Variants in RALGAPB observed in about 807,000 individuals in gnomAD.
RALGAPB encodes Ral GTPase activating protein non-catalytic subunit beta.
A neutral mutation model predicts 161.1 loss-of-function variants in RALGAPB; 25 were observed. The observed-to-expected ratio is 0.16, with a 90% CI of 0.11 to 0.22. The LOEUF (loss-of-function observed/expected upper bound fraction) is 0.22. Ranked by LOEUF, RALGAPB falls within the 10% of genes least tolerant of loss-of-function variation. The pLI is 1.00. For synonymous variants in RALGAPB, 629 were observed against 626.1 expected (o/e 1.00, Z -0.07); for missense variants, 1,391 against 1,815.2 (o/e 0.77, Z 4.25).
chr20:38,530,666 G>T, intron 13 of RALGAPB, among the ~76,000 whole-genome samples: 1 of 149,044 alleles, frequency 6.7e-6, no homozygotes, highest in African/African-American at 2.5e-5. Context: ...GTGCAATTTC[G>T]GCTCACTGCA....
chr20:38,528,871 A>C (rs1296963363), intron 13 of RALGAPB, among the ~76,000 whole-genome samples: 2 of 152,070 alleles, frequency 1.3e-5, no homozygotes, highest in East Asian at 3.9e-4. Context: ...TAGTAGACAC[A>C]GGATTTTACC....
At chr20:38,509,409 G>A (rs1158008485) in intron 6 of RALGAPB, among the ~76,000 whole-genome samples, 1 of 152,150 alleles carries the variant, frequency 6.6e-6, no homozygotes, top group East Asian at 1.9e-4. Flanking sequence ...GTCCTCAGCC[G>A]CTCTTGGTTT....
At chr20:38,569,693 C>T (rs762343818) in intron 26 of RALGAPB, 195 bp from the exon 27 acceptor site, 20 of 499,624 alleles carry the variant, frequency 4.0e-5, no homozygotes, top group African/African-American at 9.6e-5. Context: ...AAGCCTTGTC[C>T]TAGGTTAAGA....
intron 28 of RALGAPB, among the ~76,000 whole-genome samples, chr20:38,572,874 A>G (rs1408999338): frequency 6.6e-6 from 1 of 152,202 alleles, no homozygotes; most frequent in East Asian, 1.9e-4. Context: ...TTTTACTAAA[A>G]TATTCTTCAC....
chr20:38,504,572 C>T lies in RALGAPB; in HGVS notation c.741-4505C>T, dbSNP rs185495293. ...CAAAAGTAATTGCAACAAAAACAAT[C>T]GACAAGTGGTACCTAATTAAACTAA... On this transcript the variant is annotated intron_variant, in intron 5 of 29. Coordinates refer to ENST00000262879, the MANE Select transcript of RALGAPB (RefSeq NM_020336.4). 2.4e-4 allele frequency among the ~76,000 whole-genome samples: 36 copies of T among 152,028 alleles called. No individual in the cohort carries two copies. The East Asian group carries it at 6.4e-3, about 27-fold the overall frequency.
At chr20:38,494,537 AG>A (rs201576975) in intron 3 of RALGAPB, among the ~76,000 whole-genome samples, 3,798 of 152,300 alleles carry the variant, frequency 0.025, 158 homozygotes, top group African/African-American at 0.087. Context: ...AGGCCGAGGC[AG>A]GAGAATCGCT....
At chr20:38,525,068 A>G in intron 11 of RALGAPB, 123 bp downstream of exon 11, 2 of 966,310 alleles carry the variant, frequency 2.1e-6, no homozygotes, top group Non-Finnish European at 3.1e-6. Flanking sequence ...AACTCAGGCG[A>G]CATTAAATGA....
intron 23 of RALGAPB, among the ~76,000 whole-genome samples, chr20:38,560,203 C>G (rs1303682915): frequency 6.6e-6 from 1 of 151,958 alleles, no homozygotes; most frequent in African/African-American, 2.4e-5. Context: ...ATTTCTGGCC[C>G]CCTAAAACTA....
chr20:38,481,141 C>G (rs1333846125), intron 1 of RALGAPB, among the ~76,000 whole-genome samples: 1 of 152,180 alleles, frequency 6.6e-6, no homozygotes, highest in Admixed American at 6.5e-5. Flanking sequence ...TATCTGTAGT[C>G]TTTCCTGATC....
intron 2 of RALGAPB, among the ~76,000 whole-genome samples, chr20:38,492,429 T>TA (rs2085307340): frequency 6.7e-6 from 1 of 149,924 alleles, no homozygotes; most frequent in Non-Finnish European, 1.5e-5. Context: ...TTATTATTAT[T>TA]TTTTTTTTTG....
At chr20:38,574,654 A>C in intron 29 of RALGAPB, 120 bp from the exon 30 acceptor site, 2 of 975,422 alleles carry the variant, frequency 2.1e-6, no homozygotes, top group African/African-American at 1.6e-5. Context: ...GGGGATGGGA[A>C]GTTTGCAAAT....
At chr20:38,562,006 C>T (rs955310539) in intron 23 of RALGAPB, among the ~76,000 whole-genome samples, 5 of 152,296 alleles carry the variant, frequency 3.3e-5, no homozygotes, top group Admixed American at 3.3e-4. Flanking sequence ...CTGGACACTT[C>T]ATTTTTCCTG....
intron 18 of RALGAPB, among the ~76,000 whole-genome samples, chr20:38,544,245 C>T (rs1298878448): frequency 1.3e-5 from 2 of 152,128 alleles, no homozygotes; most frequent in Non-Finnish European, 2.9e-5. Context: ...TGCGTTGGTT[C>T]TAATTCATAC....
Position 38,550,983 on chromosome 20 carries a change from C to T in RALGAPB, c.3010-88C>T. ...TGTGACATGTAATCCTAGGGAAACA[C>T]AGGCATCTAAGAGACCAGGGAAATA... On this transcript the variant is annotated intron_variant, in intron 20 of 29. Transcript: ENST00000262879. 4.2e-6 allele frequency: 6 copies of T among 1,423,396 alleles called. No individual in the cohort carries two copies. In the South Asian group the frequency reaches 8.1e-5, roughly 19 times the overall value. The allele number at this position is 1,423,396 out of a possible 1,614,324, so 88.2% of individuals were successfully genotyped here. A position where few individuals can be genotyped will look rare whatever the true frequency, so the allele number is the denominator to read the frequency against.
intron 1 of RALGAPB, among the ~76,000 whole-genome samples, chr20:38,475,774 C>T (rs919235966): frequency 3.3e-5 from 5 of 152,018 alleles, no homozygotes; most frequent in Non-Finnish European, 5.9e-5. Flanking sequence ...ACCACCACAC[C>T]TGGCTAATTT....
intron 22 of RALGAPB, among the ~76,000 whole-genome samples, chr20:38,557,976 G>T (rs1289336632): frequency 4.6e-5 from 7 of 152,124 alleles, no homozygotes; most frequent in Non-Finnish European, 1.0e-4. Flanking sequence ...GTACCATTTT[G>T]CATTTCACCA....
chr20:38,520,299 C>T, intron 9 of RALGAPB: 5 of 851,786 alleles, frequency 5.9e-6, no homozygotes, highest in Non-Finnish European at 7.1e-6. Flanking sequence ...AGAAGCTTCT[C>T]CTTAATTGCA....
At chr20:38,483,208 A>G (rs1239108133) in intron 1 of RALGAPB, among the ~76,000 whole-genome samples, 2 of 152,116 alleles carry the variant, frequency 1.3e-5, no homozygotes, top group Non-Finnish European at 2.9e-5. Context: ...TATTATCCCC[A>G]TTTTACAGAT....
chr20:38,521,204 A>G (rs1267100329), intron 9 of RALGAPB, among the ~76,000 whole-genome samples: 1 of 152,246 alleles, frequency 6.6e-6, no homozygotes. Context: ...ATATATCTGT[A>G]TGTGGATACA....
Sources: allele counts gnomAD v4.1 joint callset (sites outside exome capture counted in the v4.1 genomes callset), GRCh38; gene constraint gnomAD v4.1.1; transcripts MANE v1.5; gene names NCBI Gene and HGNC (gene_info 2026-07-23, HGNC 2026-07-21).